PPP3CA: variants seen among roughly 807,000 people sequenced by gnomAD.
The protein encoded by PPP3CA is protein phosphatase 3 catalytic subunit alpha, also known as CAM-PRP catalytic subunit.
PPP3CA carries 14 observed loss-of-function variants against 66.5 expected under a neutral mutation model. The ratio of observed to expected loss-of-function variants is 0.21; its 90% CI spans 0.14 to 0.33. The LOEUF is 0.33. Ranked by LOEUF, PPP3CA falls within the 10% of genes least tolerant of loss-of-function variation. PPP3CA has a pLI of 1.00. For synonymous variants in PPP3CA, 232 were observed against 226.2 expected (o/e 1.03, Z -0.23); for missense variants, 317 against 639.5 (o/e 0.50, Z 5.44).
Position 101,051,190 on chromosome 4 carries a change from A to T in PPP3CA, c.1156+9897T>A, listed in dbSNP as rs189135123. On this transcript the variant is annotated intron_variant, in intron 10 of 13. Coordinates refer to ENST00000394854, the MANE Select transcript of PPP3CA (RefSeq NM_000944.5). ...TATATCTTCTCATGAGCTAAGAATA[A>T]AGAGGAAAAAATTAAACAGATTTCT... is the stretch of plus-strand genomic sequence containing the variant. 2.0e-3 allele frequency among the ~76,000 whole-genome samples: 298 copies of T among 152,314 alleles called. 1 individual carries two copies. Among genetic ancestry groups the T allele is most frequent in the Non-Finnish European group, 2.0e-3 (139 of 68,014 alleles).
At position 101,246,038 on chromosome 4, in the gene PPP3CA, T is replaced by C. The variant is rs538027015; in HGVS notation, c.59-49922A>G. 6.2e-4 allele frequency among the ~76,000 whole-genome samples: 95 copies of C among 152,250 alleles called. 1 individual carries two copies. Among genetic ancestry groups the C allele is most frequent in the African/African-American group, 2.2e-3 (93 of 41,544 alleles). ...TCTACACAGTTAAATTCTACTAGTC[T>C]TCACAAGTTATACGTCAACCATGAA... On this transcript the variant is annotated intron_variant, in intron 1 of 13. Transcript: ENST00000394854.
At chr4:101,300,541 T>A (rs965827919) in intron 1 of PPP3CA, among the ~76,000 whole-genome samples, 1 of 152,208 alleles carries the variant, frequency 6.6e-6, no homozygotes, top group Non-Finnish European at 1.5e-5. Context: ...ATGCCTGTAA[T>A]CCCAGCACTT....
intron 1 of PPP3CA, among the ~76,000 whole-genome samples, chr4:101,229,252 C>T (rs184438036): frequency 3.3e-5 from 5 of 151,434 alleles, no homozygotes; most frequent in Middle Eastern, 3.4e-3. Context: ...CACACACACA[C>T]ACCAAACTAC....
At chr4:101,076,342 A>G (rs953212368) in intron 8 of PPP3CA, among the ~76,000 whole-genome samples, 5 of 152,034 alleles carry the variant, frequency 3.3e-5, no homozygotes, top group Non-Finnish European at 5.9e-5. Context: ...CAATGCATGT[A>G]TTGACTGCCT....
At chr4:101,167,534 G>A (rs536887008) in intron 2 of PPP3CA, among the ~76,000 whole-genome samples, 6 of 152,208 alleles carry the variant, frequency 3.9e-5, no homozygotes, top group East Asian at 1.9e-4. Flanking sequence ...CTCCTTCAGT[G>A]TACACTCTAA....
rs566162333 is a variant in PPP3CA, at chr4:101,091,289, A to G, written c.782+2487T>C. Reference sequence around the variant, plus strand: ...CACATAACTTTGACGTACTTTAACAATGCCAACTTTTCACTATAAATTTAA... The same window carrying G: ...CACATAACTTTGACGTACTTTAACAGTGCCAACTTTTCACTATAAATTTAA... On this transcript the variant is annotated intron_variant, in intron 6 of 13. Transcript: ENST00000394854. Among the ~76,000 whole-genome samples, 15 of 152,318 alleles carry G rather than the reference A, an allele frequency of 9.8e-5. No individual in the cohort carries two copies. In the South Asian group the frequency reaches 3.1e-3, roughly 32 times the overall value.
intron 1 of PPP3CA, chr4:101,250,378 A>G (rs1443270105): frequency 4.4e-6 from 2 of 456,030 alleles, no homozygotes; most frequent in African/African-American, 4.0e-5. Flanking sequence ...CAACATCTGT[A>G]AAAAGGACAT....
intron 1 of PPP3CA, among the ~76,000 whole-genome samples, chr4:101,206,876 C>G (rs977911998): frequency 7.2e-5 from 11 of 152,090 alleles, no homozygotes; most frequent in African/African-American, 2.4e-4. Context: ...GCCAAAACAA[C>G]AGAACACTGA....
At chr4:101,223,930 C>T (rs924726384) in intron 1 of PPP3CA, among the ~76,000 whole-genome samples, 14 of 151,646 alleles carry the variant, frequency 9.2e-5, no homozygotes, top group African/African-American at 2.9e-4. Context: ...AGTCTCCAAT[C>T]TTTTTTAAAT....
At position 101,086,137 on chromosome 4, in the gene PPP3CA, GATAAA is replaced by G. The variant is rs1441264092; in HGVS notation, c.783-2879_783-2875del. On this transcript the variant is annotated intron_variant, in intron 6 of 13. Transcript: ENST00000394854. ...TTACTATATTATAAAACACATTGAAGATAAAATAGAAGTTTTATAAAGATATTATA... is the reference window on the plus strand; with the variant it reads ...TTACTATATTATAAAACACATTGAAGATAGAAGTTTTATAAAGATATTATA... Among the ~76,000 whole-genome samples, 7 of 151,940 alleles carry G rather than the reference GATAAA, an allele frequency of 4.6e-5. No individual in the cohort carries two copies. The East Asian group carries it at 1.3e-3, about 29-fold the overall frequency.
At chr4:101,213,287 T>TA (rs1372143461) in intron 1 of PPP3CA, among the ~76,000 whole-genome samples, 1 of 152,194 alleles carries the variant, frequency 6.6e-6, no homozygotes, top group Non-Finnish European at 1.5e-5. Flanking sequence ...TGAAACAGTG[T>TA]ATGACCATGC....
intron 11 of PPP3CA, among the ~76,000 whole-genome samples, chr4:101,039,748 T>C (rs1170891453): frequency 6.9e-6 from 1 of 144,252 alleles, no homozygotes; most frequent in Non-Finnish European, 1.6e-5. Context: ...TGGCAAAAAA[T>C]TTGATTATTA....
chr4:101,093,307 G>C (rs552887370), intron 6 of PPP3CA, among the ~76,000 whole-genome samples: 4 of 152,110 alleles, frequency 2.6e-5, no homozygotes, highest in African/African-American at 9.6e-5. Flanking sequence ...ATCGAGGCAA[G>C]ATCCTCCACC....
intron 8 of PPP3CA, among the ~76,000 whole-genome samples, chr4:101,065,653 ATTCATTCCCTTTCT>A (rs1274328196): frequency 6.6e-6 from 1 of 152,114 alleles, no homozygotes; most frequent in Non-Finnish European, 1.5e-5. Context: ...CTGACACCAA[ATTCATTCCCTTTCT>A]TTCATTCCCT....
chr4:101,328,243 C>T (rs144246496), intron 1 of PPP3CA, among the ~76,000 whole-genome samples: 259 of 152,274 alleles, frequency 1.7e-3, no homozygotes, highest in South Asian at 0.011. Context: ...ATTCAAAATG[C>T]GTTTATGAAT....
intron 1 of PPP3CA, among the ~76,000 whole-genome samples, chr4:101,340,450 C>T (rs1729777956): frequency 6.6e-6 from 1 of 151,918 alleles, no homozygotes; most frequent in Admixed American, 6.6e-5. Context: ...TTCCACTACC[C>T]GAGTGCATAT....
intron 8 of PPP3CA, among the ~76,000 whole-genome samples, chr4:101,068,531 T>C (rs1373375382): frequency 6.6e-6 from 1 of 152,126 alleles, no homozygotes; most frequent in African/African-American, 2.4e-5. Flanking sequence ...TATTTTCTCA[T>C]AAAGATTACT....
intron 2 of PPP3CA, among the ~76,000 whole-genome samples, chr4:101,149,269 G>A (rs1429501690): frequency 6.6e-6 from 1 of 152,132 alleles, no homozygotes; most frequent in African/African-American, 2.4e-5. Flanking sequence ...AAACAAATTG[G>A]CTTTGCCTTC....
chr4:101,255,082 A>G (rs978358468), intron 1 of PPP3CA, among the ~76,000 whole-genome samples: 2 of 151,190 alleles, frequency 1.3e-5, no homozygotes, highest in African/African-American at 2.4e-5. Context: ...GACAAGATGT[A>G]AAGTTATACA....
Sources: allele counts gnomAD v4.1 joint callset (sites outside exome capture counted in the v4.1 genomes callset), GRCh38; gene constraint gnomAD v4.1.1; transcripts MANE v1.5; gene names NCBI Gene and HGNC (gene_info 2026-07-23, HGNC 2026-07-21).